Variants in PCDHA5 observed in about 807,000 individuals in gnomAD.
The protein encoded by PCDHA5 is protocadherin alpha-5.
PCDHA5 carries 43 observed loss-of-function variants against 61.6 expected under a neutral mutation model. That is an observed-to-expected ratio of 0.70 (90% CI 0.55 to 0.90). PCDHA5 has a LOEUF of 0.90. Among genes scored for constraint, PCDHA5 ranks in the 40% least tolerant of loss-of-function variants. The pLI is 0.00. For missense variants in PCDHA5, 1,298 were observed against 1,222.7 expected, an observed-to-expected ratio of 1.06 and a Z score of -0.92; for synonymous variants, 627 against 543.9, an observed-to-expected ratio of 1.15 and a Z score of -2.13.
chr5:140,877,215 A>T, intron 1 of PCDHA5: 1 of 1,613,722 alleles, frequency 6.2e-7, no homozygotes, highest in Non-Finnish European at 8.5e-7. Context: ...GCGAGTTGGT[A>T]CCGCGGTCGG....
chr5:140,888,239 C>G (rs1361679058), intron 1 of PCDHA5, among the ~76,000 whole-genome samples: 3 of 151,992 alleles, frequency 2.0e-5, no homozygotes, highest in Non-Finnish European at 4.4e-5. Flanking sequence ...TGTGCGTGTT[C>G]CTTTAAAGCA....
rs782779617 is a variant in PCDHA5 at position 140,857,239 on chromosome 5, G to C, written c.2352+33112G>C. On this transcript the variant is annotated intron_variant, in intron 1 of 3. Coordinates refer to ENST00000529859, the MANE Select transcript of PCDHA5 (RefSeq NM_018908.3). ...CGCCTCACGTTCCGTTCAAGCTGGT[G>C]TCCACCTACAAGAATTACTACTCAT... is the stretch of plus-strand genomic sequence containing the variant. The C allele has an allele frequency of 6.9e-6, 11 of 1,598,550 alleles. 2 individuals carry two copies. The highest frequency in any genetic ancestry group is 7.7e-6 in the Non-Finnish European group (9 of 1,167,946).
At chr5:140,898,003 G>A (rs2066458535) in intron 1 of PCDHA5, among the ~76,000 whole-genome samples, 1 of 152,152 alleles carries the variant, frequency 6.6e-6, no homozygotes, top group Non-Finnish European at 1.5e-5. Context: ...AGAAGTGTCT[G>A]TTCATATCCT....
chr5:141,009,573 G>T, intron 3 of PCDHA5, 54 bp from the exon 4 acceptor site: 2 of 1,580,662 alleles, frequency 1.3e-6, no homozygotes, highest in South Asian at 1.2e-5. Context: ...CAGCAGTGTG[G>T]CATCAAGAGC....
intron 1 of PCDHA5, among the ~76,000 whole-genome samples, chr5:140,963,606 G>A (rs79307503): frequency 0.011 from 1,749 of 152,250 alleles, 32 homozygotes; most frequent in African/African-American, 0.039. Context: ...AGACGTAATT[G>A]GGAAAGCTTA....
intron 1 of PCDHA5, chr5:140,884,544 G>A (rs1554181708): frequency 6.2e-7 from 1 of 1,614,222 alleles, no homozygotes; most frequent in East Asian, 2.2e-5. Flanking sequence ...CCGAGGGTGT[G>A]CTCTGGGGAG....
At position 141,011,042 on chromosome 5, in the gene PCDHA5, T is replaced by G. The variant is rs915588789; in HGVS notation, c.*1105T>G. 6.5e-6 allele frequency: 1 copy of G among 153,796 alleles called. No individual in the cohort carries two copies. The highest frequency in any genetic ancestry group is 2.4e-5 in the African/African-American group (1 of 41,464). The allele number at this position is 153,796 out of a possible 1,614,324, so 9.5% of individuals were successfully genotyped here. A position where few individuals can be genotyped will look rare whatever the true frequency, so the allele number is the denominator to read the frequency against. On this transcript the variant is annotated 3_prime_UTR_variant, in exon 4 of 4. Transcript: ENST00000529859. ...TCACAGCTTTACTCTTTCAGGTCACTCTGGGGCTGCCTCTTGCATGTATTA... is the reference window on the plus strand; with the variant it reads ...TCACAGCTTTACTCTTTCAGGTCACGCTGGGGCTGCCTCTTGCATGTATTA...
chr5:140,927,630 A>G (rs1408351955), intron 1 of PCDHA5: 3 of 1,614,064 alleles, frequency 1.9e-6, no homozygotes, highest in Non-Finnish European at 2.5e-6. Flanking sequence ...CAGAGACTGC[A>G]CCCAATGGGA....
chr5:140,877,515 G>T (rs371100299), intron 1 of PCDHA5: 1 of 1,613,678 alleles, frequency 6.2e-7, no homozygotes, highest in African/African-American at 1.3e-5. Flanking sequence ...CGTCGTCGCG[G>T]GCCTCAGTGG....
intron 1 of PCDHA5, among the ~76,000 whole-genome samples, chr5:140,826,323 TTG>T (rs1161647284): frequency 6.6e-6 from 1 of 152,208 alleles, no homozygotes; most frequent in Non-Finnish European, 1.5e-5. Context: ...GGGATTGTTT[TTG>T]GTTAAGAAAT....
intron 3 of PCDHA5, 65 bp downstream of exon 3, chr5:140,982,628 G>T: frequency 6.3e-7 from 1 of 1,578,118 alleles, no homozygotes; most frequent in Non-Finnish European, 8.6e-7. Flanking sequence ...ACCTACTTTT[G>T]TAAGATCAGG....
intron 1 of PCDHA5, chr5:140,884,515 G>T: frequency 6.2e-6 from 10 of 1,614,176 alleles, no homozygotes; most frequent in South Asian, 1.1e-5. Context: ...GGAGTTGGTC[G>T]TACTCGCAGC....
intron 1 of PCDHA5, chr5:140,869,245 A>G: frequency 1.2e-6 from 2 of 1,613,628 alleles, no homozygotes; most frequent in Non-Finnish European, 1.7e-6. Context: ...CGTGGGCCGC[A>G]TCGCGCAGGA....
intron 1 of PCDHA5, chr5:140,883,811 G>A: frequency 6.2e-7 from 1 of 1,612,586 alleles, no homozygotes; most frequent in African/African-American, 1.3e-5. Context: ...CGCGGAGAGC[G>A]GCAAGGTGTA....
At chr5:140,969,342 G>A in intron 1 of PCDHA5, 1 of 1,613,630 alleles carries the variant, frequency 6.2e-7, no homozygotes, top group Non-Finnish European at 8.5e-7. Flanking sequence ...GTGAGACAGT[G>A]GTCAGGGGGT....
chr5:140,824,314 T>A (rs986796925), intron 1 of PCDHA5, 187 bp downstream of exon 1: 2 of 754,514 alleles, frequency 2.7e-6, no homozygotes, highest in African/African-American at 1.8e-5. Context: ...AATAGATTCA[T>A]CAGCTTTCTG....
Position 140,841,493 on chromosome 5 carries a change from G to A in PCDHA5, c.2352+17366G>A, listed in dbSNP as rs2150316668. On this transcript the variant is annotated intron_variant, in intron 1 of 3. Coordinates refer to ENST00000529859, the MANE Select transcript of PCDHA5 (RefSeq NM_018908.3). Reference sequence around the variant, plus strand: ...GCAGGACCTGGGGCTGGAGCTGGCGGAGCTGGTGCCGCGCCTGTTCCGGGT... The same window carrying A: ...GCAGGACCTGGGGCTGGAGCTGGCGAAGCTGGTGCCGCGCCTGTTCCGGGT... 2.5e-5 allele frequency: 41 copies of A among 1,613,108 alleles called. No homozygotes were observed. The South Asian group carries it at 4.3e-4, about 17-fold the overall frequency.
intron 1 of PCDHA5, among the ~76,000 whole-genome samples, chr5:140,917,252 C>T (rs536856521): frequency 3.2e-4 from 47 of 149,018 alleles, no homozygotes; most frequent in Non-Finnish European, 4.9e-4. Flanking sequence ...TACGATTGCT[C>T]ACCTGATGTT....
In PCDHA5 at chr5:141,009,709, C is replaced by A; in HGVS notation, c.2583C>A (p.Asn861Lys). The A allele has an allele frequency of 6.2e-7, 1 of 1,614,118 alleles. No homozygotes were observed. Among genetic ancestry groups the A allele is most frequent in the Non-Finnish European group, 8.5e-7 (1 of 1,180,024 alleles). Reference sequence around the variant, plus strand: ...GGACCTTTAAATACGGACCAGGCAACCCCAAACAATCCGGTCCCGGTGAGT... The same window carrying A: ...GGACCTTTAAATACGGACCAGGCAAACCCAAACAATCCGGTCCCGGTGAGT... ...NSWTFKYGPG[N>K]PKQSGPGELP... is the part of the protein sequence containing the mutation. The change falls in exon 4 of 4, where the codon AAC (asparagine) becomes AAA (lysine). Residue 861 changes from asparagine (N) to lysine (K), a missense_variant. Physicochemically the swap from Asn to Lys is moderately conservative, Grantham distance 94. Transcript: ENST00000529859.
Sources: gnomAD v4.1 joint callset for allele counts (sites outside exome capture counted in the v4.1 genomes callset) on GRCh38, gnomAD v4.1.1 for gene constraint, MANE v1.5 for transcripts, NCBI Gene and HGNC (gene_info 2026-07-23, HGNC 2026-07-21) for gene names.